Variants in NDEL1 observed in about 807,000 individuals in gnomAD.
NDEL1 encodes the protein nudE neurodevelopment protein 1 like 1.
In NDEL1, 9 loss-of-function variants were observed where a neutral mutation model predicts 45.7. The ratio of observed to expected loss-of-function variants is 0.20; its 90% CI spans 0.12 to 0.34. NDEL1 has a LOEUF of 0.34. Among genes scored for constraint, NDEL1 ranks in the 10% least tolerant of loss-of-function variants. The probability of loss-of-function intolerance (pLI) is 1.00; values close to 1 mark genes in which losing one functional copy is unlikely to be tolerated. For synonymous variants in NDEL1, 133 were observed against 158.6 expected (o/e 0.84, Z 1.21); for missense variants, 306 against 406.2 (o/e 0.75, Z 2.12).
At chr17:8,445,514 G>T (rs187889979) in intron 2 of NDEL1, among the ~76,000 whole-genome samples, 197 bp from the exon 3 acceptor site, 12 of 152,300 alleles carry the variant, frequency 7.9e-5, no homozygotes, top group Admixed American at 7.8e-4. Context: ...TCACTGACTT[G>T]TGGCTCCTTT....
intron 1 of NDEL1, among the ~76,000 whole-genome samples, chr17:8,424,759 C>G (rs939404604): frequency 7.2e-5 from 11 of 152,210 alleles, no homozygotes; most frequent in African/African-American, 2.7e-4. Flanking sequence ...CCGCCTTGGC[C>G]TCCCAAAGTG....
chr17:8,444,215 T>A (rs1909937503), intron 1 of NDEL1, 45 bp from the exon 2 acceptor site: 6 of 1,234,622 alleles, frequency 4.9e-6, no homozygotes, highest in Non-Finnish European at 7.1e-6. Context: ...GTGCTTAGAT[T>A]TCTCTGTTCT....
chr17:8,448,370 C>T (rs532612478), intron 4 of NDEL1, among the ~76,000 whole-genome samples, 180 bp from the exon 5 acceptor site: 2 of 152,174 alleles, frequency 1.3e-5, no homozygotes, highest in East Asian at 3.9e-4. Context: ...GTATATATTG[C>T]CCAACTGATA....
rs1416108421 is a variant in NDEL1 at position 8,460,167 on chromosome 17, C to T, written c.944+7C>T. On this transcript the variant is annotated splice_region_variant and intron_variant, in intron 8 of 8. Transcript: ENST00000334527. ...CATCTTTCTTCGACAAAGGGTAAGT[C>T]CTGAATGTTTTAAGTGATAATTTTT... is the stretch of plus-strand genomic sequence containing the variant. 5 of 1,606,614 alleles carry T rather than the reference C, an allele frequency of 3.1e-6. No homozygotes were observed. In the Middle Eastern group the frequency reaches 8.3e-4, roughly 267 times the overall value.
In NDEL1 at chr17:8,467,063, C is replaced by T. The variant is rs779669391; in HGVS notation, c.*40C>T. The T allele has an allele frequency of 1.1e-5, 18 of 1,595,232 alleles. No homozygotes were observed. The highest frequency in any genetic ancestry group is 1.5e-5 in the Non-Finnish European group (18 of 1,163,942). On this transcript the variant is annotated 3_prime_UTR_variant, in exon 9 of 9. Coordinates refer to ENST00000334527, the MANE Select transcript of NDEL1 (RefSeq NM_030808.5). The surrounding 1 kb of genome is among the most constrained non-coding windows in gnomAD (Gnocchi z 6.3). The stretch of plus-strand genomic sequence containing the variant: ...GGTGGGGGCTCCTGCCCTCCTCCAA[C>T]AACCCAGGACACCCACGCCTCACCC...
intron 6 of NDEL1, 50 bp downstream of exon 6, chr17:8,451,003 CG>C (rs780196116): frequency 2.0e-6 from 3 of 1,533,624 alleles, no homozygotes; most frequent in South Asian, 2.5e-5. Context: ...GATCAGCTTA[CG>C]GGGGTTTGTT....
chr17:8,448,533 C>G lies in NDEL1; in HGVS notation c.390-17C>G. ...ATGTTATTTATTTAATTCATGTACT[C>G]TAATTTTTCTTTTTAGGGCAACAAT... On this transcript the variant is annotated splice_polypyrimidine_tract_variant and intron_variant, in intron 4 of 8. Transcript: ENST00000334527. The G allele has an allele frequency of 1.2e-6, 2 of 1,608,362 alleles. No individual in the cohort carries two copies. Among genetic ancestry groups the G allele is most frequent in the Non-Finnish European group, 1.7e-6 (2 of 1,176,944 alleles).
downstream of NDEL1, among the ~76,000 whole-genome samples, chr17:8,471,030 C>G (rs191106274): frequency 6.6e-6 from 1 of 152,210 alleles, no homozygotes; most frequent in South Asian, 2.1e-4. Flanking sequence ...GCCCCCTCCC[C>G]GACTGTAACA....
intron 4 of NDEL1, among the ~76,000 whole-genome samples, chr17:8,447,529 G>A (rs1910162239): frequency 6.6e-6 from 1 of 152,118 alleles, no homozygotes; most frequent in Admixed American, 6.5e-5. Context: ...CATACTTCCT[G>A]TAGGTCCTCA....
chr17:8,472,226 G>C (rs1911854832), downstream of NDEL1, among the ~76,000 whole-genome samples: 1 of 152,222 alleles, frequency 6.6e-6, no homozygotes, highest in Non-Finnish European at 1.5e-5. Context: ...GGCTAGAACA[G>C]CTTGGCCTTA....
At chr17:8,418,626 C>CTTCCTTCCTTCCTTCCTTCT (rs1217953345) in intron 1 of NDEL1, among the ~76,000 whole-genome samples, 2 of 149,862 alleles carry the variant, frequency 1.3e-5, no homozygotes, top group Non-Finnish European at 3.0e-5. Context: ...TTTATGGCTG[C>CTTCCTTCCTTCCTTCCTTCT]TTCCTTCCTT....
downstream of NDEL1, among the ~76,000 whole-genome samples, chr17:8,471,475 T>C (rs949302413): frequency 5.9e-5 from 9 of 152,236 alleles, no homozygotes; most frequent in Admixed American, 2.6e-4. Context: ...ACCTGTGCAG[T>C]ATGGCACATA....
chr17:8,421,676 C>T, intron 1 of NDEL1, among the ~76,000 whole-genome samples: 1 of 152,198 alleles, frequency 6.6e-6, no homozygotes, highest in East Asian at 1.9e-4. Context: ...GTAATTATAG[C>T]AGCCACAGGA....
chr17:8,419,679 T>C (rs747199047), intron 1 of NDEL1, among the ~76,000 whole-genome samples: 1 of 152,174 alleles, frequency 6.6e-6, no homozygotes, highest in African/African-American at 2.4e-5. Context: ...TTCTCTTTTT[T>C]TGGGGGAAAA....
chr17:8,424,966 C>T (rs972449104), intron 1 of NDEL1, among the ~76,000 whole-genome samples: 21 of 152,252 alleles, frequency 1.4e-4, no homozygotes, highest in African/African-American at 4.3e-4. Context: ...CATGCCTAGC[C>T]GAGGTTCCAC....
intron 2 of NDEL1, chr17:8,445,025 C>G (rs773103584): frequency 1.3e-5 from 2 of 152,090 alleles, no homozygotes; most frequent in African/African-American, 2.4e-5. Flanking sequence ...TTCTATTGTG[C>G]CAGTGGATAT....
chr17:8,473,783 C>T (rs954872440), intron 3 of NDEL1, among the ~76,000 whole-genome samples: 1 of 152,248 alleles, frequency 6.6e-6, no homozygotes, highest in African/African-American at 2.4e-5. Flanking sequence ...TTTCTCTCAT[C>T]CTAGTTGGCC....
intron 7 of NDEL1, among the ~76,000 whole-genome samples, chr17:8,456,959 A>T (rs1426028556): frequency 6.6e-6 from 1 of 152,210 alleles, no homozygotes; most frequent in Admixed American, 6.5e-5. Flanking sequence ...CAATGCACAT[A>T]TATGTGTTAT....
intron 1 of NDEL1, among the ~76,000 whole-genome samples, chr17:8,428,938 G>A (rs1908934096): frequency 6.6e-6 from 1 of 152,212 alleles, no homozygotes; most frequent in African/African-American, 2.4e-5. Flanking sequence ...CTCCCAAAGT[G>A]CTGGGATTAC....
Sources: allele counts gnomAD v4.1 joint callset (sites outside exome capture counted in the v4.1 genomes callset), GRCh38; gene constraint gnomAD v4.1.1; non-coding constraint Gnocchi (gnomAD v3.1); transcripts MANE v1.5; gene names NCBI Gene and HGNC (gene_info 2026-07-23, HGNC 2026-07-21).